DGKB: variants seen among roughly 807,000 people sequenced by gnomAD.
DGKB encodes 90 kDa diacylglycerol kinase.
A neutral mutation model predicts 114.3 loss-of-function variants in DGKB; 67 were observed. The ratio of observed to expected loss-of-function variants is 0.59; its 90% confidence interval spans 0.48 to 0.72. The LOEUF (loss-of-function observed/expected upper bound fraction) is 0.72, where lower values mean the gene tolerates loss of function less well. Among genes scored for constraint, DGKB ranks in the 30% least tolerant of loss-of-function variants. DGKB has a pLI of 0.00. For synonymous variants in DGKB, 398 were observed against 323.1 expected, an observed-to-expected ratio of 1.23 and a Z score of -2.49; for missense variants, 907 against 975.2, an observed-to-expected ratio of 0.93 and a Z score of 0.93.
intron 5 of DGKB, among the ~76,000 whole-genome samples, chr7:14,734,565 G>C (rs933371478): frequency 1.6e-4 from 24 of 152,156 alleles, no homozygotes; most frequent in African/African-American, 5.1e-4. Context: ...CAGAAACATA[G>C]CACCAGATGT....
At chr7:14,228,929 T>C (rs928889004) in intron 23 of DGKB, among the ~76,000 whole-genome samples, 10 of 139,820 alleles carry the variant, frequency 7.2e-5, no homozygotes, top group Non-Finnish European at 1.1e-4. Flanking sequence ...TTGCTGTGAA[T>C]GGTGATAATG....
chr7:14,467,029 G>C (rs557138805), intron 21 of DGKB, among the ~76,000 whole-genome samples: 1 of 151,990 alleles, frequency 6.6e-6, no homozygotes, highest in African/African-American at 2.4e-5. Context: ...GAAAATTTCT[G>C]GACTATGCCT....
At chr7:14,225,111 T>C (rs1790581933) in intron 23 of DGKB, among the ~76,000 whole-genome samples, 2 of 152,022 alleles carry the variant, frequency 1.3e-5, no homozygotes, top group Non-Finnish European at 2.9e-5. Context: ...ACCTTCACTG[T>C]TTTTGAAAGC....
chr7:14,854,423 C>T (rs929756618), intron 1 of DGKB, among the ~76,000 whole-genome samples: 4 of 152,110 alleles, frequency 2.6e-5, no homozygotes. Context: ...TCGTGAAAGA[C>T]AATTTTTCCA....
At chr7:14,204,131 A>C (rs1329765441) in intron 23 of DGKB, among the ~76,000 whole-genome samples, 1 of 152,002 alleles carries the variant, frequency 6.6e-6, no homozygotes, top group East Asian at 1.9e-4. Flanking sequence ...TTTACTTAAA[A>C]ATATTCTCCA....
At chr7:14,795,759 T>C (rs552565978) in intron 2 of DGKB, among the ~76,000 whole-genome samples, 2 of 152,152 alleles carry the variant, frequency 1.3e-5, no homozygotes, top group Non-Finnish European at 2.9e-5. Flanking sequence ...TGTTGACCTA[T>C]GGACCTATGG....
In DGKB at chr7:14,818,790, A is replaced by G. The variant is rs1350110317; in HGVS notation, c.70+22404T>C. The stretch of plus-strand genomic sequence containing the variant: ...TAATATGTTAATTGTAGCTGAATCT[A>G]TATTTGGACTGCTGTATGCTCAAAA... On this transcript the variant is annotated intron_variant, in intron 2 of 25. Coordinates refer to ENST00000402815, the MANE Select transcript of DGKB (RefSeq NM_001350709.2). Among the ~76,000 whole-genome samples, 5 of 152,134 alleles carry G rather than the reference A, an allele frequency of 3.3e-5. No individual in the cohort carries two copies. The East Asian group carries it at 9.6e-4, about 29-fold the overall frequency.
chr7:14,540,904 T>G (rs764299097), intron 20 of DGKB, among the ~76,000 whole-genome samples: 44 of 152,236 alleles, frequency 2.9e-4, no homozygotes, highest in Middle Eastern at 3.4e-3. Flanking sequence ...TAGAACCTTT[T>G]GAATTCAATG....
At chr7:14,829,858 G>T (rs982783523) in intron 2 of DGKB, among the ~76,000 whole-genome samples, 1 of 152,042 alleles carries the variant, frequency 6.6e-6, no homozygotes, top group African/African-American at 2.4e-5. Flanking sequence ...CTCATAAGTG[G>T]CTTGTGGCTA....
At chr7:14,360,102 G>A (rs909654282) in intron 21 of DGKB, among the ~76,000 whole-genome samples, 1 of 152,096 alleles carries the variant, frequency 6.6e-6, no homozygotes, top group African/African-American at 2.4e-5. Flanking sequence ...AGAAAATGTG[G>A]CACATATACA....
At chr7:14,673,055 C>A in intron 12 of DGKB, 28 bp from the exon 13 acceptor site, 1 of 1,350,344 alleles carries the variant, frequency 7.4e-7, no homozygotes, top group Non-Finnish European at 1.0e-6. Context: ...GGGATAGTAT[C>A]AAATTCTACA....
intron 13 of DGKB, among the ~76,000 whole-genome samples, chr7:14,652,426 C>T (rs906343201): frequency 1.3e-5 from 2 of 151,694 alleles, no homozygotes; most frequent in African/African-American, 4.8e-5. Context: ...ATAAATGGTG[C>T]TGGGAAAACT....
intron 9 of DGKB, among the ~76,000 whole-genome samples, chr7:14,685,794 T>C (rs1821576237): frequency 6.6e-6 from 1 of 152,194 alleles, no homozygotes. Flanking sequence ...CCTTGCTTAC[T>C]AGTAGTAATA....
chr7:14,891,621 T>A (rs946922736), intron 1 of DGKB, among the ~76,000 whole-genome samples: 5 of 151,436 alleles, frequency 3.3e-5, no homozygotes, highest in African/African-American at 1.2e-4. Flanking sequence ...CAGAGAAGGT[T>A]GTGAGTAGAG....
rs73052913 is a variant in DGKB, at chr7:14,813,766, A to C, written c.70+27428T>G. The stretch of plus-strand genomic sequence containing the variant: ...TTTCTTTCATTGAATCTTTTACTCT[A>C]GTGATTTTTTAAAATCCTTCATTAA... On this transcript the variant is annotated intron_variant, in intron 2 of 25. Coordinates refer to ENST00000402815, the MANE Select transcript of DGKB (RefSeq NM_001350709.2). Among the ~76,000 whole-genome samples the C allele has an allele frequency of 1.5e-3, 232 of 152,172 alleles. 1 individual carries two copies. In the Middle Eastern group the frequency reaches 0.02, roughly 13 times the overall value.
At chr7:14,461,770 C>T (rs1276183846) in intron 21 of DGKB, among the ~76,000 whole-genome samples, 1 of 152,158 alleles carries the variant, frequency 6.6e-6, no homozygotes, top group Non-Finnish European at 1.5e-5. Flanking sequence ...CCAGCATCAT[C>T]CTGATACCAA....
chr7:14,931,609 C>G (rs989963558), intron 1 of DGKB, among the ~76,000 whole-genome samples: 40 of 152,106 alleles, frequency 2.6e-4, no homozygotes, highest in Admixed American at 6.6e-4. Context: ...GAGGGTGGAA[C>G]AGTCCCCATA....
chr7:14,392,995 G>GTTTTTTTGTTTTTTTGTTTTTT lies in DGKB; in HGVS notation c.1836-47605_1836-47604insAAAAAACAAAAAAACAAAAAAA, dbSNP rs1554404750. On this transcript the variant is annotated intron_variant, in intron 21 of 25. Transcript: ENST00000402815. ...CAAAACAGACCTGTTTTTTGTTTTT[G>GTTTTTTTGTTTTTTTGTTTTTT]TTTTTTTTTTTTTGAGACGGAGTCT... Among the ~76,000 whole-genome samples, 104 of 60,548 alleles carry GTTTTTTTGTTTTTTTGTTTTTT rather than the reference G, an allele frequency of 1.7e-3. 13 individuals are homozygous for GTTTTTTTGTTTTTTTGTTTTTT. In the East Asian group the frequency reaches 0.039, roughly 23 times the overall value. The allele number at this position is 60,548 out of a possible 152,430, so 39.7% of individuals were successfully genotyped here.
intron 21 of DGKB, among the ~76,000 whole-genome samples, chr7:14,433,154 G>C (rs1828724756): frequency 6.6e-6 from 1 of 152,138 alleles, no homozygotes; most frequent in African/African-American, 2.4e-5. Context: ...CGTATCTATT[G>C]ACTGGCTAGC....
Sources: gnomAD v4.1 joint callset for allele counts (sites outside exome capture counted in the v4.1 genomes callset) on GRCh38, gnomAD v4.1.1 for gene constraint, MANE v1.5 for transcripts, NCBI Gene and HGNC (gene_info 2026-07-23, HGNC 2026-07-21) for gene names.